Variants in TXNRD3 observed in about 807,000 individuals in gnomAD.
TXNRD3 encodes thioredoxin reductase 3, also known as TXNRD3 neighbor gene protein.
In TXNRD3, 68 loss-of-function variants were observed where a neutral mutation model predicts 78.2. The observed-to-expected ratio is 0.87, with a 90% CI of 0.72 to 1.06. The LOEUF is 1.06. Among genes scored for constraint, TXNRD3 ranks in the 50% least tolerant of loss-of-function variants. The probability of loss-of-function intolerance (pLI) is 0.00; values close to 1 mark genes in which losing one functional copy is unlikely to be tolerated. For synonymous variants in TXNRD3, 296 were observed against 300.1 expected, an observed-to-expected ratio of 0.99 and a Z score of 0.14; for missense variants, 751 against 809.5, an observed-to-expected ratio of 0.93 and a Z score of 0.88.
intron 6 of TXNRD3, among the ~76,000 whole-genome samples, chr3:126,641,566 C>T (rs888819221): frequency 1.3e-5 from 2 of 152,192 alleles, no homozygotes; most frequent in African/African-American, 4.8e-5. Context: ...CTCCCACGGA[C>T]TACATGCTGC....
intron 6 of TXNRD3, among the ~76,000 whole-genome samples, chr3:126,637,427 TTC>T (rs1022208563): frequency 2.4e-4 from 37 of 152,314 alleles, no homozygotes; most frequent in African/African-American, 8.4e-4. Context: ...TAACATTAAT[TTC>T]TGAGTTTTTC....
At chr3:126,643,854 C>G in intron 5 of TXNRD3, 127 bp downstream of exon 5, 2 of 913,560 alleles carry the variant, frequency 2.2e-6, no homozygotes, top group Non-Finnish European at 3.1e-6. Context: ...CCTAGACTCG[C>G]TTGTTTTCTT....
chr3:126,622,156 A>G (rs760311526), intron 11 of TXNRD3, among the ~76,000 whole-genome samples: 15 of 152,344 alleles, frequency 9.8e-5, no homozygotes, highest in African/African-American at 2.6e-4. Context: ...AGACTCACTT[A>G]GAGCTTTGGA....
At chr3:126,630,099 C>T (rs899292178) in intron 9 of TXNRD3, among the ~76,000 whole-genome samples, 5 of 152,236 alleles carry the variant, frequency 3.3e-5, no homozygotes, top group Admixed American at 2.6e-4. Context: ...AAACTATAGA[C>T]TGTGGGGCCA....
chr3:126,620,810 C>T (rs1938432515), intron 12 of TXNRD3, among the ~76,000 whole-genome samples: 1 of 152,168 alleles, frequency 6.6e-6, no homozygotes, highest in South Asian at 2.1e-4. Context: ...TTCCCTATCA[C>T]CAACTACTCT....
chr3:126,625,991 T>G (rs1361605113), intron 10 of TXNRD3: 2 of 152,714 alleles, frequency 1.3e-5, no homozygotes, highest in Non-Finnish European at 1.5e-5. Flanking sequence ...CGAGATGATC[T>G]GCCAGCATCA....
intron 15 of TXNRD3, among the ~76,000 whole-genome samples, 197 bp downstream of exon 15, chr3:126,608,302 A>G (rs558988598): frequency 6.6e-6 from 1 of 152,376 alleles, no homozygotes; most frequent in African/African-American, 2.4e-5. Flanking sequence ...TGGAGGTTGC[A>G]GTGAGTCAAG....
chr3:126,628,834 T>G (rs879795101), intron 10 of TXNRD3, among the ~76,000 whole-genome samples: 5 of 152,152 alleles, frequency 3.3e-5, no homozygotes, highest in Non-Finnish European at 5.9e-5. Context: ...TTTTTTTGCT[T>G]TGTTGATGTT....
chr3:126,637,851 C>T (rs987545619), intron 6 of TXNRD3, among the ~76,000 whole-genome samples: 2 of 147,502 alleles, frequency 1.4e-5, no homozygotes, highest in African/African-American at 5.0e-5. Flanking sequence ...TCTTTTTAAA[C>T]TTTCACTTGA....
At chr3:126,634,978 T>C (rs1318306107) in intron 6 of TXNRD3, among the ~76,000 whole-genome samples, 1 of 152,218 alleles carries the variant, frequency 6.6e-6, no homozygotes, top group Non-Finnish European at 1.5e-5. Context: ...GCCCTTTCTA[T>C]GATGCCAATG....
At chr3:126,646,342 A>G in intron 2 of TXNRD3, 122 bp from the exon 3 acceptor site, 1 of 636,932 alleles carries the variant, frequency 1.6e-6, no homozygotes, top group East Asian at 3.2e-5. Context: ...TCAGTGTGTT[A>G]TATAACTTTA....
At chr3:126,643,248 C>G (rs893346571) in intron 5 of TXNRD3, among the ~76,000 whole-genome samples, 1 of 152,158 alleles carries the variant, frequency 6.6e-6, no homozygotes, top group Non-Finnish European at 1.5e-5. Context: ...TCTTATGGAG[C>G]GTACAGCAGG....
At chr3:126,652,021 G>A (rs72972896) in intron 1 of TXNRD3, among the ~76,000 whole-genome samples, 11,416 of 152,212 alleles carry the variant, frequency 0.075, 501 homozygotes, top group East Asian at 0.19. Flanking sequence ...ATAGATCCTT[G>A]TATTAGTCTG....
intron 12 of TXNRD3, among the ~76,000 whole-genome samples, chr3:126,620,175 G>T (rs559248734): frequency 6.6e-6 from 1 of 151,624 alleles, no homozygotes; most frequent in Non-Finnish European, 1.5e-5. Context: ...GGCGCCTGTA[G>T]TCCCAGCTAC....
chr3:126,630,913 A>G lies in TXNRD3; in HGVS notation c.996T>C (p.Tyr332=). The G allele has an allele frequency of 6.5e-7, 1 of 1,536,088 alleles. No homozygotes were observed. The highest frequency in any genetic ancestry group is 8.7e-7 in the Non-Finnish European group (1 of 1,146,854). ...CCACCACTAATGTTTTGCCAGGGCAATAAGGCAGAGAAAAAAGGTCATCAC... is the reference window on the plus strand; with the variant it reads ...CCACCACTAATGTTTTGCCAGGGCAGTAAGGCAGAGAAAAAAGGTCATCAC... Residue 332 remains tyrosine (Y), a synonymous_variant, in exon 9 of 16, where the codon TAT becomes TAC. Coordinates refer to ENST00000524230, the MANE Select transcript of TXNRD3 (RefSeq NM_052883.3).
At chr3:126,626,398 T>C (rs568857411) in intron 10 of TXNRD3, among the ~76,000 whole-genome samples, 1 of 152,184 alleles carries the variant, frequency 6.6e-6, no homozygotes. Flanking sequence ...AAAATACATA[T>C]ATCTGAAAAA....
chr3:126,629,475 G>T lies in TXNRD3; in HGVS notation c.1198-4C>A. 3 of 1,532,420 alleles carry T rather than the reference G, an allele frequency of 2.0e-6. No individual in the cohort carries two copies. The highest frequency in any genetic ancestry group is 2.6e-6 in the Non-Finnish European group (3 of 1,143,884). The allele number at this position is 1,532,420 out of a possible 1,614,324, so 94.9% of individuals were successfully genotyped here. A position where few individuals can be genotyped will look rare whatever the true frequency, so the allele number is the denominator to read the frequency against. On this transcript the variant is annotated splice_polypyrimidine_tract_variant and splice_region_variant and intron_variant, in intron 9 of 15. Transcript: ENST00000524230. ...AACCTTTCTCCAACTGTTGAACCTA[G>T]TAAGAATGAAGAGTGTAATGATGTT...
chr3:126,618,541 C>A (rs993491936), intron 12 of TXNRD3, among the ~76,000 whole-genome samples: 6 of 152,058 alleles, frequency 3.9e-5, no homozygotes, highest in Admixed American at 2.6e-4. Flanking sequence ...ACCTCTATAT[C>A]TCACCATGTG....
At chr3:126,654,498 A>G (rs529721679) in intron 1 of TXNRD3, among the ~76,000 whole-genome samples, 1 of 152,282 alleles carries the variant, frequency 6.6e-6, no homozygotes, top group East Asian at 1.9e-4. Flanking sequence ...CGTTTCACAA[A>G]CGGGGGAACT....
Sources: allele counts gnomAD v4.1 joint callset (sites outside exome capture counted in the v4.1 genomes callset), GRCh38; gene constraint gnomAD v4.1.1; transcripts MANE v1.5; gene names NCBI Gene and HGNC (gene_info 2026-07-23, HGNC 2026-07-21).